GART: variants seen among roughly 807,000 people sequenced by gnomAD.
GART encodes the protein phosphoribosylglycinamide formyltransferase, phosphoribosylglycinamide synthetase, phosphoribosylaminoimidazole synthetase, also known as trifunctional purine biosynthetic protein adenosine-3.
A neutral mutation model predicts 107.2 loss-of-function variants in GART; 43 were observed. The ratio of observed to expected loss-of-function variants is 0.40; its 90% CI spans 0.31 to 0.52. The LOEUF (loss-of-function observed/expected upper bound fraction) is 0.52, where lower values mean the gene tolerates loss of function less well. Among genes scored for constraint, GART ranks in the 20% least tolerant of loss-of-function variants. GART has a pLI of 0.52. For missense variants in GART, 1,107 were observed against 1,206.5 expected (o/e 0.92, Z 1.22); for synonymous variants, 434 against 427.0 (o/e 1.02, Z -0.20).
intron 11 of GART, 91 bp downstream of exon 11, chr21:33,524,678 T>G (rs2085035464): frequency 6.4e-7 from 1 of 1,553,262 alleles, no homozygotes; most frequent in South Asian, 1.2e-5. Flanking sequence ...AAAAGAATAC[T>G]GAATGACTTA....
intron 2 of GART, among the ~76,000 whole-genome samples, chr21:33,538,913 T>G (rs1238753889): frequency 6.6e-6 from 1 of 152,112 alleles, no homozygotes; most frequent in Non-Finnish European, 1.5e-5. Context: ...CCCGAGTAGC[T>G]GGGACTACAG....
chr21:33,531,358 A>C (rs2085184629), intron 6 of GART, 131 bp downstream of exon 6: 1 of 779,676 alleles, frequency 1.3e-6, no homozygotes, highest in East Asian at 2.5e-5. Flanking sequence ...AAAGTATACA[A>C]ATTCCTTTGT....
At chr21:33,522,099 T>C in intron 12 of GART, 89 bp downstream of exon 12, 1 of 1,004,566 alleles carries the variant, frequency 1.0e-6, no homozygotes, top group Non-Finnish European at 1.5e-6. Flanking sequence ...AAGCATTGCT[T>C]TGGAAAATAT....
At chr21:33,538,922 A>G (rs1220160638) in intron 2 of GART, among the ~76,000 whole-genome samples, 2 of 152,152 alleles carry the variant, frequency 1.3e-5, no homozygotes, top group African/African-American at 2.4e-5. Context: ...CTGGGACTAC[A>G]GGCACCCGCC....
chr21:33,540,262 T>C (rs2085386997), intron 1 of GART, among the ~76,000 whole-genome samples: 1 of 152,222 alleles, frequency 6.6e-6, no homozygotes, highest in Admixed American at 6.5e-5. Flanking sequence ...TGCCTATCAG[T>C]ACTTTAAGTA....
At chr21:33,511,859 A>G (rs1041876255) in intron 16 of GART, among the ~76,000 whole-genome samples, 1 of 152,196 alleles carries the variant, frequency 6.6e-6, no homozygotes, top group African/African-American at 2.4e-5. Flanking sequence ...TGGCTTATCT[A>G]CATATTTAGA....
upstream of GART, chr21:33,542,790 T>G (rs557172030): frequency 3.5e-5 from 16 of 457,278 alleles, no homozygotes; most frequent in African/African-American, 2.4e-4. Flanking sequence ...TGACAACTTA[T>G]GCGGACACGG....
At chr21:33,536,580 CCT>C (rs1049023967) in intron 2 of GART, among the ~76,000 whole-genome samples, 30 of 152,174 alleles carry the variant, frequency 2.0e-4, no homozygotes, top group African/African-American at 7.2e-4. Context: ...TACATAAACA[CCT>C]ATGATAAAGT....
At chr21:33,538,425 G>C (rs990869670) in intron 2 of GART, among the ~76,000 whole-genome samples, 4 of 151,878 alleles carry the variant, frequency 2.6e-5, no homozygotes, top group Non-Finnish European at 5.9e-5. Context: ...TAGAGATCGG[G>C]TCTCACTACA....
At chr21:33,512,121 TA>T (rs1477727003) in intron 16 of GART, among the ~76,000 whole-genome samples, 1 of 151,478 alleles carries the variant, frequency 6.6e-6, no homozygotes, top group African/African-American at 2.4e-5. Context: ...CATTCTCTAC[TA>T]AAAATACAAT....
chr21:33,517,236 T>C, intron 15 of GART, 95 bp from the exon 16 acceptor site: 3 of 1,560,036 alleles, frequency 1.9e-6, no homozygotes, highest in Non-Finnish European at 2.6e-6. Context: ...TCTACAATAA[T>C]GACCAAGTAG....
intron 10 of GART, among the ~76,000 whole-genome samples, chr21:33,527,516 A>G (rs563610593): frequency 1.5e-4 from 23 of 149,784 alleles, no homozygotes; most frequent in African/African-American, 5.7e-4. Context: ...GTCTATCTCG[A>G]AAAAAAAAGG....
At chr21:33,505,425 T>C (rs941203815) in intron 20 of GART, 136 bp downstream of exon 20, 6 of 635,718 alleles carry the variant, frequency 9.4e-6, no homozygotes, top group Non-Finnish European at 1.6e-5. Flanking sequence ...GTTAAAGTAT[T>C]AATAAAATAT....
chr21:33,512,519 T>C (rs2084803856), intron 16 of GART, among the ~76,000 whole-genome samples: 1 of 152,128 alleles, frequency 6.6e-6, no homozygotes, highest in African/African-American at 2.4e-5. Context: ...GAAGCCAATG[T>C]GAACTCAGCT....
chr21:33,524,757 T>G lies in GART; in HGVS notation c.1298+12A>C, dbSNP rs142037215. On this transcript the variant is annotated intron_variant, in intron 11 of 21. Transcript: ENST00000381815. The stretch of plus-strand genomic sequence containing the variant: ...TGAAATGGCACTACAGCTAACTTGC[T>G]TAGAGTTTTACCTGGGCTGCTGGAG... The G allele has an allele frequency of 1.7e-4, 279 of 1,614,176 alleles. 1 individual carries two copies. The African/African-American group carries it at 2.8e-3, about 16-fold the overall frequency.
At position 33,520,519 on chromosome 21, in the gene GART, A is replaced by C. The variant is rs918763823; in HGVS notation, c.1547T>G (p.Leu516Trp). The C allele has an allele frequency of 2.2e-5, 36 of 1,613,988 alleles. No homozygotes were observed. The highest frequency in any genetic ancestry group is 4.0e-5 in the African/African-American group (3 of 74,922). The change falls in exon 14 of 22, where the codon TTG becomes TGG. Residue 516 changes from leucine to tryptophan, a missense_variant. By Grantham distance (61) the Leu-to-Trp change is moderately conservative. Transcript: ENST00000381815. ...AATATCATTAACACACATTGCTACC[A>C]AATCTTGACCAATGGTATCATGTTT... ...CNKHDTIGQD[L>W]VAMCVNDILA...
At chr21:33,514,621 ACT>A (rs1394214530) in intron 16 of GART, among the ~76,000 whole-genome samples, 1 of 152,142 alleles carries the variant, frequency 6.6e-6, no homozygotes, top group African/African-American at 2.4e-5. Context: ...TCAGCAGGCC[ACT>A]GTTTTTTAAC....
Position 33,537,551 on chromosome 21 carries a change from T to A in GART, c.145+1620A>T, listed in dbSNP as rs1242260029. On this transcript the variant is annotated intron_variant, in intron 2 of 21. Coordinates refer to ENST00000381815, the MANE Select transcript of GART (RefSeq NM_000819.5). The stretch of plus-strand genomic sequence containing the variant: ...AAGTAAAAATAAACACAGACATTCA[T>A]GATCATAAACAAATGAAATGGGGAT... Among the ~76,000 whole-genome samples, 3 of 152,178 alleles carry A rather than the reference T, an allele frequency of 2.0e-5. No individual in the cohort carries two copies. In the East Asian group the frequency reaches 5.8e-4, roughly 29 times the overall value.
At chr21:33,523,620 T>C (rs1377033391) in intron 11 of GART, among the ~76,000 whole-genome samples, 4 of 152,216 alleles carry the variant, frequency 2.6e-5, no homozygotes, top group African/African-American at 9.7e-5. Flanking sequence ...TGTCTTAAAA[T>C]TTATTCATTA....
Sources: gnomAD v4.1 joint callset for allele counts (sites outside exome capture counted in the v4.1 genomes callset) on GRCh38, gnomAD v4.1.1 for gene constraint, MANE v1.5 for transcripts, NCBI Gene and HGNC (gene_info 2026-07-23, HGNC 2026-07-21) for gene names.